NCALD: variants seen among roughly 807,000 people sequenced by gnomAD.
NCALD encodes neurocalcin-delta.
Under a neutral mutation model 18.6 loss-of-function variants are expected in NCALD, and 10 were observed. The ratio of observed to expected loss-of-function variants is 0.54; its 90% CI spans 0.33 to 0.91. NCALD has a LOEUF of 0.91. Ranked by LOEUF, NCALD falls within the 40% of genes least tolerant of loss-of-function variation. The probability of loss-of-function intolerance (pLI) is 0.03; values close to 1 mark genes in which losing one functional copy is unlikely to be tolerated. For synonymous variants in NCALD, 88 were observed against 87.4 expected (o/e 1.01, Z -0.04); for missense variants, 184 against 247.6 (o/e 0.74, Z 1.72).
intron 2 of NCALD, among the ~76,000 whole-genome samples, chr8:101,711,055 C>A (rs1815766523): frequency 6.6e-6 from 1 of 152,172 alleles, no homozygotes; most frequent in African/African-American, 2.4e-5. Flanking sequence ...TGGGATAAAA[C>A]TTCCAGAGGA....
At position 101,812,129 on chromosome 8, in the gene NCALD, G is replaced by GT. The variant is rs568031853; in HGVS notation, c.-20+75011dup. 2.0e-5 allele frequency among the ~76,000 whole-genome samples: 3 copies of GT among 152,108 alleles called. No homozygotes were observed. In the East Asian group the frequency reaches 5.8e-4, roughly 29 times the overall value. Reference sequence around the variant, plus strand: ...TTATCTGTGGAAAATGACAACATCGGTTTTCTAAGTAGTTATCAACCAAAG... The same window carrying GT: ...TTATCTGTGGAAAATGACAACATCGGTTTTTCTAAGTAGTTATCAACCAAAG... On this transcript the variant is annotated intron_variant, in intron 4 of 6. Coordinates refer to the NCALD transcript ENST00000311028.
At chr8:102,007,889 A>G (rs866288976) in intron 2 of NCALD, among the ~76,000 whole-genome samples, 2 of 152,092 alleles carry the variant, frequency 1.3e-5, no homozygotes, top group Non-Finnish European at 2.9e-5. Context: ...TTCTGAGTAC[A>G]CTTTGAGCTC....
intron 1 of NCALD, among the ~76,000 whole-genome samples, chr8:101,739,672 T>C (rs1197543006): frequency 6.6e-6 from 1 of 152,208 alleles, no homozygotes; most frequent in Non-Finnish European, 1.5e-5. Context: ...CTCCAAGTTG[T>C]TCAGCTTTTG....
intron 2 of NCALD, among the ~76,000 whole-genome samples, chr8:101,715,827 G>A (rs1050875905): frequency 1.3e-5 from 2 of 152,194 alleles, no homozygotes; most frequent in African/African-American, 4.8e-5. Flanking sequence ...AACAGATTCT[G>A]GAGAGGATGT....
chr8:102,103,162 A>G (rs1231283575), intron 1 of NCALD, among the ~76,000 whole-genome samples: 2 of 151,904 alleles, frequency 1.3e-5, no homozygotes, highest in African/African-American at 4.8e-5. Context: ...CTCCACGCCA[A>G]CCTCCCAGCT....
intron 2 of NCALD, among the ~76,000 whole-genome samples, chr8:101,953,025 A>G (rs947482815): frequency 1.3e-5 from 2 of 151,734 alleles, no homozygotes; most frequent in African/African-American, 4.8e-5. Flanking sequence ...GTGGCTGCAC[A>G]TCCTAGATCT....
At chr8:102,042,684 A>G (rs996143679) in intron 1 of NCALD, among the ~76,000 whole-genome samples, 2 of 149,400 alleles carry the variant, frequency 1.3e-5, no homozygotes, top group Admixed American at 1.3e-4. Context: ...TACCAACCAG[A>G]CTCCTTGGGG....
At chr8:101,820,518 T>C (rs1459747467) in intron 4 of NCALD, among the ~76,000 whole-genome samples, 1 of 152,200 alleles carries the variant, frequency 6.6e-6, no homozygotes, top group Non-Finnish European at 1.5e-5. Context: ...TAGAGAACTG[T>C]CTCAAGTGTG....
chr8:101,982,893 A>C (rs1320270934), intron 2 of NCALD, among the ~76,000 whole-genome samples: 1 of 151,966 alleles, frequency 6.6e-6, no homozygotes, highest in Non-Finnish European at 1.5e-5. Context: ...ATGTTCTGTG[A>C]CCTTGAATAA....
chr8:101,816,790 A>G (rs1284567975), intron 4 of NCALD, among the ~76,000 whole-genome samples: 2 of 152,142 alleles, frequency 1.3e-5, no homozygotes, highest in African/African-American at 4.8e-5. Context: ...CTGTAATGCA[A>G]ACTATGGACT....
intron 2 of NCALD, among the ~76,000 whole-genome samples, chr8:101,948,414 A>G (rs1819262703): frequency 6.6e-6 from 1 of 152,178 alleles, no homozygotes; most frequent in Non-Finnish European, 1.5e-5. Context: ...GATCGGAAGA[A>G]AAATCAGGAG....
At chr8:101,704,776 C>T (rs941440891) in intron 2 of NCALD, among the ~76,000 whole-genome samples, 1 of 151,022 alleles carries the variant, frequency 6.6e-6, no homozygotes, top group African/African-American at 2.4e-5. Context: ...AAAAATTAGC[C>T]GGGCATGGTA....
intron 2 of NCALD, among the ~76,000 whole-genome samples, chr8:101,916,722 C>G (rs149652973): frequency 1.4e-3 from 206 of 152,158 alleles, no homozygotes; most frequent in African/African-American, 4.8e-3. Context: ...TCTGATAAAA[C>G]AGATTTTTAA....
chr8:101,778,818 TAGA>T (rs1449510263), intron 1 of NCALD, among the ~76,000 whole-genome samples: 1 of 152,118 alleles, frequency 6.6e-6, no homozygotes, highest in Admixed American at 6.5e-5. Context: ...AAATAAATCA[TAGA>T]AGAATATTTT....
intron 1 of NCALD, among the ~76,000 whole-genome samples, chr8:102,092,380 T>G (rs1013778891): frequency 3.9e-5 from 6 of 152,232 alleles, no homozygotes; most frequent in Non-Finnish European, 8.8e-5. Flanking sequence ...TTTACTTTCC[T>G]AATAAACTTG....
At chr8:101,748,690 A>T (rs576547777) in intron 1 of NCALD, among the ~76,000 whole-genome samples, 1 of 152,318 alleles carries the variant, frequency 6.6e-6, no homozygotes, top group African/African-American at 2.4e-5. Context: ...TATTTTACAG[A>T]TGAAGGATGA....
intron 1 of NCALD, among the ~76,000 whole-genome samples, chr8:101,762,500 C>T (rs908516930): frequency 6.6e-6 from 1 of 151,528 alleles, no homozygotes; most frequent in Non-Finnish European, 1.5e-5. Flanking sequence ...ATGGCTGACA[C>T]AGAGATAAGA....
intron 4 of NCALD, among the ~76,000 whole-genome samples, chr8:101,885,884 T>C (rs1422013906): frequency 6.6e-6 from 1 of 152,210 alleles, no homozygotes; most frequent in Non-Finnish European, 1.5e-5. Flanking sequence ...TAGCTTGATG[T>C]CAGAAAGAGC....
intron 2 of NCALD, among the ~76,000 whole-genome samples, chr8:101,962,689 A>T (rs1450254004): frequency 6.6e-6 from 1 of 152,224 alleles, no homozygotes; most frequent in Non-Finnish European, 1.5e-5. Flanking sequence ...TAACATGCAC[A>T]CTAAAGTTTG....
Sources: gnomAD v4.1 joint callset for allele counts (sites outside exome capture counted in the v4.1 genomes callset) on GRCh38, gnomAD v4.1.1 for gene constraint, MANE v1.5 for transcripts, NCBI Gene and HGNC (gene_info 2026-07-23, HGNC 2026-07-21) for gene names.